Variants in NUFIP1 observed in about 807,000 individuals in gnomAD.
NUFIP1 encodes the protein nuclear FMR1 interacting protein 1, also known as FMR1-interacting protein NUFIP1.
Under a neutral mutation model 56.2 loss-of-function variants are expected in NUFIP1, and 38 were observed. The observed-to-expected ratio is 0.68, with a 90% CI of 0.52 to 0.89. NUFIP1 has a LOEUF of 0.89. Ranked by LOEUF, NUFIP1 falls within the 40% of genes least tolerant of loss-of-function variation. The pLI, the probability that NUFIP1 is intolerant of heterozygous loss-of-function variation, is 0.00. For synonymous variants in NUFIP1, 215 were observed against 212.4 expected (o/e 1.01, Z -0.10); for missense variants, 567 against 605.8 (o/e 0.94, Z 0.67).
At position 44,989,360 on chromosome 13, in the gene NUFIP1, G is replaced by T. The variant is rs772220154; in HGVS notation, c.77C>A (p.Pro26His). 1.2e-6 allele frequency: 2 copies of T among 1,613,402 alleles called. No homozygotes were observed. The highest frequency in any genetic ancestry group is 3.3e-5 in the Admixed American group (2 of 59,926). Residue 26 changes from proline (P) to histidine (H), a missense_variant, in exon 1 of 10, where the codon CCC becomes CAC. Transcript: ENST00000379161. ...ASPELTPTLGPLSDTAPPRDS... is the reference protein window; with the variant it reads ...ASPELTPTLGHLSDTAPPRDS... Reference sequence around the variant, plus strand: ...CCGCGGCGGGGCAGTGTCGCTCAGGGGCCCTAACGTGGGAGTCAGCTCGGG... The same window carrying T: ...CCGCGGCGGGGCAGTGTCGCTCAGGTGCCCTAACGTGGGAGTCAGCTCGGG...
chr13:44,984,008 A>G (rs986697121), intron 1 of NUFIP1, among the ~76,000 whole-genome samples: 5 of 152,168 alleles, frequency 3.3e-5, no homozygotes, highest in Admixed American at 2.0e-4. Context: ...AGGGACTAAG[A>G]CAGCTTCCTA....
At chr13:44,950,063 T>C (rs779840847) in intron 7 of NUFIP1, among the ~76,000 whole-genome samples, 4 of 152,174 alleles carry the variant, frequency 2.6e-5, no homozygotes, top group Non-Finnish European at 4.4e-5. Context: ...AAGGAAGCTA[T>C]ATAGAGCTCA....
chr13:44,960,565 C>T (rs1024512551), intron 6 of NUFIP1, among the ~76,000 whole-genome samples: 6 of 152,112 alleles, frequency 3.9e-5, no homozygotes, highest in African/African-American at 1.2e-4. Flanking sequence ...CTACACCTGG[C>T]CTTGTCTACT....
intron 7 of NUFIP1, among the ~76,000 whole-genome samples, chr13:44,953,601 C>A (rs1871142916): frequency 6.6e-6 from 1 of 152,068 alleles, no homozygotes; most frequent in Non-Finnish European, 1.5e-5. Context: ...AACTTTGGCC[C>A]TTGGGAACTC....
Sources: allele counts gnomAD v4.1 joint callset (sites outside exome capture counted in the v4.1 genomes callset), GRCh38; gene constraint gnomAD v4.1.1; transcripts MANE v1.5; gene names NCBI Gene and HGNC (gene_info 2026-07-23, HGNC 2026-07-21).